The following LRFN2 variants were observed in gnomAD, a reference collection of about 807,000 sequenced individuals.
LRFN2 encodes leucine-rich repeat and fibronectin type-III domain-containing protein 2.
A neutral mutation model predicts 37.3 loss-of-function variants in LRFN2; 18 were observed. The observed-to-expected ratio is 0.48, with a 90% CI of 0.33 to 0.72. The LOEUF (loss-of-function observed/expected upper bound fraction) is 0.72, where lower values mean the gene tolerates loss of function less well. Ranked by LOEUF, LRFN2 falls within the 30% of genes least tolerant of loss-of-function variation. The pLI, the probability that LRFN2 is intolerant of heterozygous loss-of-function variation, is 0.02. For missense variants in LRFN2, 1,006 were observed against 1,060.7 expected (o/e 0.95, Z 0.72); for synonymous variants, 556 against 466.6 (o/e 1.19, Z -2.47).
Position 40,392,626 on chromosome 6 carries a change from C to T in LRFN2, c.1687G>A (p.Glu563Lys), listed in dbSNP as rs1426720665. 1.9e-6 allele frequency: 3 copies of T among 1,611,330 alleles called. No homozygotes were observed. Among genetic ancestry groups the T allele is most frequent in the East Asian group, 2.2e-5 (1 of 44,868 alleles). Residue 563 changes from glutamate (E) to lysine (K), a missense_variant, in exon 3 of 3, where the codon GAG (glutamate) becomes AAG (lysine). Around this residue, in one of 4 missense-constraint regions of LRFN2, gnomAD observed 398 missense variants for 327.6 expected, o/e 1.21. Coordinates refer to ENST00000338305, the MANE Select transcript of LRFN2 (RefSeq NM_020737.3). The surrounding 1 kb of genome is among the most constrained non-coding windows in gnomAD (Gnocchi z 4.7). ...GCCGCTGCCATCTTGCTGGGGGCCT[C>T]GTGGTTGCAGACCTTGTAGCGCACC... is the stretch of plus-strand genomic sequence containing the variant. The part of the protein sequence containing the change: ...LMVRYKVCNH[E>K]APSKMAAAVS...
rs1449413141 is a variant in LRFN2, at chr6:40,391,625, CA to C, written c.*317del. On this transcript the variant is annotated 3_prime_UTR_variant, in exon 3 of 3. Transcript: ENST00000338305. ...AAAATAAATTAAGAAATAAAAACAA[CA>C]CTAGACCCATAAGCAATCCAAAGCC... 3.7e-6 allele frequency: 1 copy of C among 269,560 alleles called. No homozygotes were observed. Among genetic ancestry groups the C allele is most frequent in the African/African-American group, 2.2e-5 (1 of 45,576 alleles). The allele number at this position is 269,560 out of a possible 1,614,324, so 16.7% of individuals were successfully genotyped here.
Position 40,392,377 on chromosome 6 carries a change from C to A in LRFN2, c.1936G>T (p.Ala646Ser), listed in dbSNP as rs746243295. 1.9e-6 allele frequency: 3 copies of A among 1,593,182 alleles called. No individual in the cohort carries two copies. The highest frequency in any genetic ancestry group is 2.3e-5 in the South Asian group (2 of 88,218). The change falls in exon 3 of 3, where the codon GCC (alanine) becomes TCC (serine). Residue 646 changes from alanine to serine, a missense_variant. Ala to Ser is a moderately conservative substitution (Grantham distance 99). Transcript: ENST00000338305. The surrounding 1 kb of genome is among the most constrained non-coding windows in gnomAD (Gnocchi z 4.7). Reference protein sequence around the residue: ...GRAPWRIPPSAPRPKPSLDRL... With the variant: ...GRAPWRIPPSSPRPKPSLDRL... ...TCAAGGCTGGGCTTGGGGCGCGGGG[C>A]GGAGGGTGGGATCCTCCAGGGGGCC...
At chr6:40,550,967 G>C (rs1453059317) in intron 1 of LRFN2, among the ~76,000 whole-genome samples, 1 of 152,242 alleles carries the variant, frequency 6.6e-6, no homozygotes, top group Non-Finnish European at 1.5e-5. Flanking sequence ...GGCAGCCAAA[G>C]AGGTGGACTG....
chr6:40,577,830 T>TAATA (rs1767325136), intron 1 of LRFN2, among the ~76,000 whole-genome samples: 1 of 143,426 alleles, frequency 7.0e-6, no homozygotes, highest in Non-Finnish European at 1.5e-5. Context: ...AAAATAAAAA[T>TAATA]AAATAAAAAT....
chr6:40,488,965 T>C (rs1765029057), intron 1 of LRFN2, among the ~76,000 whole-genome samples: 1 of 152,212 alleles, frequency 6.6e-6, no homozygotes, highest in Non-Finnish European at 1.5e-5. Context: ...GTTGAACCGA[T>C]AATGTTGAAT....
chr6:40,532,146 C>T (rs1209933872), intron 1 of LRFN2, among the ~76,000 whole-genome samples: 1 of 152,234 alleles, frequency 6.6e-6, no homozygotes, highest in Non-Finnish European at 1.5e-5. Flanking sequence ...TCAAGCCTTA[C>T]CGTGGGCCCA....
intron 1 of LRFN2, among the ~76,000 whole-genome samples, chr6:40,465,829 C>G (rs1229511209): frequency 1.3e-5 from 2 of 152,132 alleles, no homozygotes; most frequent in African/African-American, 4.8e-5. Flanking sequence ...ACTGTCCACC[C>G]AGAGAAGAAC....
rs189711192 is a variant in LRFN2, at chr6:40,547,534, C to A, written c.-19+39407G>T. 2.6e-5 allele frequency among the ~76,000 whole-genome samples: 4 copies of A among 152,226 alleles called. No individual in the cohort carries two copies. The East Asian group carries it at 7.7e-4, about 29-fold the overall frequency. ...CTATACTGGGCATCTTCCATTTGAC[C>A]CTCCAGGTCCACAGTACACCCTTCT... is the stretch of plus-strand genomic sequence containing the variant. On this transcript the variant is annotated intron_variant, in intron 1 of 2. Coordinates refer to ENST00000338305, the MANE Select transcript of LRFN2 (RefSeq NM_020737.3).
At chr6:40,478,235 G>C (rs971546299) in intron 1 of LRFN2, among the ~76,000 whole-genome samples, 2 of 152,140 alleles carry the variant, frequency 1.3e-5, no homozygotes, top group Non-Finnish European at 2.9e-5. Context: ...CATACTCTGT[G>C]CTATCATCTT....
chr6:40,466,308 AG>A (rs1764465266), intron 1 of LRFN2, among the ~76,000 whole-genome samples: 1 of 152,202 alleles, frequency 6.6e-6, no homozygotes, highest in South Asian at 2.1e-4. Flanking sequence ...CGTTAAGCAA[AG>A]GTCACCCAGA....
At chr6:40,464,248 C>T (rs1465699045) in intron 1 of LRFN2, among the ~76,000 whole-genome samples, 1 of 152,150 alleles carries the variant, frequency 6.6e-6, no homozygotes, top group Non-Finnish European at 1.5e-5. Flanking sequence ...ATGGCCTAAC[C>T]ATTCATATTT....
intron 1 of LRFN2, among the ~76,000 whole-genome samples, chr6:40,482,291 T>A (rs1291874023): frequency 6.6e-6 from 1 of 152,208 alleles, no homozygotes; most frequent in African/African-American, 2.4e-5. Flanking sequence ...CAGACCCGGA[T>A]GACAAGTCCC....
intron 1 of LRFN2, among the ~76,000 whole-genome samples, chr6:40,447,136 C>T (rs899058728): frequency 5.9e-5 from 9 of 152,078 alleles, no homozygotes; most frequent in East Asian, 1.9e-4. Context: ...GCTGTGTCTC[C>T]GCTCAGACTG....
At chr6:40,431,277 C>T (rs1763472888) in intron 2 of LRFN2, among the ~76,000 whole-genome samples, 1 of 152,188 alleles carries the variant, frequency 6.6e-6, no homozygotes, top group Admixed American at 6.5e-5. Flanking sequence ...GAATCTCACT[C>T]TTTCTGACCT....
At chr6:40,462,154 T>A (rs1371749970) in intron 1 of LRFN2, among the ~76,000 whole-genome samples, 3 of 152,226 alleles carry the variant, frequency 2.0e-5, no homozygotes, top group Admixed American at 2.0e-4. Context: ...TGATTTCATT[T>A]GCCAATGAAA....
intron 1 of LRFN2, among the ~76,000 whole-genome samples, chr6:40,444,095 C>T (rs922760065): frequency 4.6e-5 from 7 of 152,136 alleles, no homozygotes; most frequent in Non-Finnish European, 7.3e-5. Flanking sequence ...TGTAGTTGCC[C>T]GCACAGGTCA....
intron 1 of LRFN2, among the ~76,000 whole-genome samples, chr6:40,494,576 G>A (rs556437486): frequency 6.6e-6 from 1 of 152,236 alleles, no homozygotes; most frequent in African/African-American, 2.4e-5. Context: ...CATCATTCCT[G>A]ACAATTTCAT....
At chr6:40,400,114 C>T (rs1360676181) in intron 2 of LRFN2, among the ~76,000 whole-genome samples, 2 of 151,822 alleles carry the variant, frequency 1.3e-5, no homozygotes, top group Middle Eastern at 3.2e-3. Flanking sequence ...TTCTCTCCCT[C>T]CTCCCACAAC....
chr6:40,409,354 G>C (rs1762912263), intron 2 of LRFN2, among the ~76,000 whole-genome samples: 1 of 152,166 alleles, frequency 6.6e-6, no homozygotes, highest in African/African-American at 2.4e-5. Flanking sequence ...TCCCATGTTT[G>C]AGCCTCGCCT....
Sources: allele counts gnomAD v4.1 joint callset (sites outside exome capture counted in the v4.1 genomes callset), GRCh38; gene constraint gnomAD v4.1.1; regional missense constraint gnomAD v4.1.1; non-coding constraint Gnocchi (gnomAD v3.1); transcripts MANE v1.5; gene names NCBI Gene and HGNC (gene_info 2026-07-23, HGNC 2026-07-21).